The following SGCD variants were observed in gnomAD, a reference collection of about 807,000 sequenced individuals.
The protein encoded by SGCD is delta-sarcoglycan.
SGCD carries 18 observed loss-of-function variants against 36.6 expected under a neutral mutation model. That is an observed-to-expected ratio of 0.49 (90% CI 0.34 to 0.73). The LOEUF (loss-of-function observed/expected upper bound fraction) is 0.73, where lower values mean the gene tolerates loss of function less well. Among genes scored for constraint, SGCD ranks in the 30% least tolerant of loss-of-function variants. SGCD has a pLI of 0.01. For synonymous variants in SGCD, 133 were observed against 130.6 expected (o/e 1.02, Z -0.12); for missense variants, 387 against 346.7 (o/e 1.12, Z -0.92).
intron 1 of SGCD, among the ~76,000 whole-genome samples, chr5:155,897,150 C>A: frequency 6.6e-6 from 1 of 152,112 alleles, no homozygotes; most frequent in Non-Finnish European, 1.5e-5. Flanking sequence ...GACGGTACAG[C>A]CTGCTACCGA....
intron 1 of SGCD, among the ~76,000 whole-genome samples, chr5:155,976,584 T>G (rs1035003860): frequency 6.6e-6 from 1 of 152,180 alleles, no homozygotes; most frequent in East Asian, 1.9e-4. Context: ...AAGTAAGTAT[T>G]CTTGTTTTCT....
chr5:156,554,644 T>TTATA (rs1263548018), intron 4 of SGCD, among the ~76,000 whole-genome samples: 2 of 147,826 alleles, frequency 1.4e-5, no homozygotes, highest in African/African-American at 4.9e-5. Context: ...ATAATATATA[T>TTATA]TATATATATA....
chr5:155,789,511 T>G, the SGCD span, among the ~76,000 whole-genome samples: 1 of 152,128 alleles, frequency 6.6e-6, no homozygotes, highest in African/African-American at 2.4e-5. Flanking sequence ...AAGAATTGCC[T>G]AATAGACACC....
chr5:156,551,784 C>T (rs761731641), intron 4 of SGCD, among the ~76,000 whole-genome samples: 1 of 152,254 alleles, frequency 6.6e-6, no homozygotes, highest in Middle Eastern at 3.4e-3. Context: ...TGATATATTC[C>T]ATGCCATCCC....
intron 1 of SGCD, among the ~76,000 whole-genome samples, chr5:156,024,512 C>G (rs1242999946): frequency 6.6e-6 from 1 of 152,002 alleles, no homozygotes; most frequent in African/African-American, 2.4e-5. Context: ...GATTCTTCCT[C>G]TACCTTTTTT....
chr5:156,624,502 A>C lies in SGCD; in HGVS notation c.503-22962A>C, dbSNP rs559078298. On this transcript the variant is annotated intron_variant, in intron 6 of 8. Transcript: ENST00000337851. Reference sequence around the variant, plus strand: ...AGGCTGAAGCAGGAGAATGGTGCGAACCCAGGAGGCGGAGTTTGCAGTGAG... The same window carrying C: ...AGGCTGAAGCAGGAGAATGGTGCGACCCCAGGAGGCGGAGTTTGCAGTGAG... 1.4e-4 allele frequency among the ~76,000 whole-genome samples: 22 copies of C among 152,174 alleles called. 1 individual carries two copies. In the South Asian group the frequency reaches 4.4e-3, roughly 30 times the overall value.
chr5:156,573,738 G>A (rs1759814900), intron 4 of SGCD, among the ~76,000 whole-genome samples: 1 of 152,036 alleles, frequency 6.6e-6, no homozygotes, highest in South Asian at 2.1e-4. Context: ...CTATCACCCA[G>A]TCTGGAGTAC....
chr5:156,146,674 T>G (rs1762716101), intron 3 of SGCD, among the ~76,000 whole-genome samples: 1 of 152,006 alleles, frequency 6.6e-6, no homozygotes, highest in African/African-American at 2.4e-5. Flanking sequence ...TTTTACAGAG[T>G]GAGTGAATAG....
intron 3 of SGCD, among the ~76,000 whole-genome samples, chr5:156,258,060 GTCTTACAT>G (rs1765760719): frequency 6.6e-6 from 1 of 151,974 alleles, no homozygotes; most frequent in South Asian, 2.1e-4. Context: ...CTGTTATTCA[GTCTTACAT>G]ATTTGTCAGA....
chr5:156,576,291 A>G (rs1759950792), intron 4 of SGCD, among the ~76,000 whole-genome samples: 2 of 152,146 alleles, frequency 1.3e-5, no homozygotes, highest in Non-Finnish European at 2.9e-5. Flanking sequence ...TCCATGGTGT[A>G]TATGTGCCAC....
At chr5:155,872,353 A>ACACACG (rs774582261) in intron 1 of SGCD, among the ~76,000 whole-genome samples, 1 of 105,410 alleles carries the variant, frequency 9.5e-6, no homozygotes, top group Non-Finnish European at 2.0e-5. Context: ...TCTCTTCAGC[A>ACACACG]CACACACACA....
intron 3 of SGCD, among the ~76,000 whole-genome samples, chr5:156,353,845 C>T (rs17053464): frequency 0.17 from 26,180 of 152,200 alleles, 2,966 homozygotes; most frequent in African/African-American, 0.32. Flanking sequence ...TAGGATATGG[C>T]TCTCTAATGT....
chr5:156,004,905 C>A (rs1225260392), intron 1 of SGCD, among the ~76,000 whole-genome samples: 3 of 152,152 alleles, frequency 2.0e-5, no homozygotes, highest in African/African-American at 4.8e-5. Flanking sequence ...AACAGTGGCA[C>A]AGACCTAAAA....
At chr5:155,770,666 T>C in the SGCD span, among the ~76,000 whole-genome samples, 1 of 152,096 alleles carries the variant, frequency 6.6e-6, no homozygotes, top group African/African-American at 2.4e-5. Flanking sequence ...CTTTCTGCTT[T>C]CCCCCTAGCA....
At chr5:156,050,289 A>G (rs1759882479) in intron 1 of SGCD, among the ~76,000 whole-genome samples, 2 of 146,526 alleles carry the variant, frequency 1.4e-5, no homozygotes, top group African/African-American at 2.5e-5. Context: ...AGCCATCAAC[A>G]CTGAGGCAAG....
At chr5:156,308,190 T>C (rs1767282319) in intron 3 of SGCD, among the ~76,000 whole-genome samples, 1 of 152,070 alleles carries the variant, frequency 6.6e-6, no homozygotes, top group Non-Finnish European at 1.5e-5. Context: ...CAGTTCTGCA[T>C]GGATGGGGAG....
intron 1 of SGCD, among the ~76,000 whole-genome samples, chr5:155,910,778 AT>A (rs1469839170): frequency 1.6e-4 from 24 of 152,292 alleles, no homozygotes; most frequent in African/African-American, 5.5e-4. Flanking sequence ...ACACAAAAAA[AT>A]TCCCAGTTTT....
chr5:156,393,569 C>T (rs1038999828), intron 3 of SGCD, among the ~76,000 whole-genome samples: 3 of 152,134 alleles, frequency 2.0e-5, no homozygotes, highest in African/African-American at 7.2e-5. Flanking sequence ...ATAGCGTGCT[C>T]CTGTGCATCT....
intron 1 of SGCD, among the ~76,000 whole-genome samples, chr5:156,025,469 G>T (rs540857659): frequency 7.2e-5 from 11 of 152,294 alleles, no homozygotes; most frequent in Admixed American, 2.0e-4. Flanking sequence ...GCCAGACTTT[G>T]TTGGAGCTTT....
Sources: gnomAD v4.1 joint callset for allele counts (sites outside exome capture counted in the v4.1 genomes callset) on GRCh38, gnomAD v4.1.1 for gene constraint, MANE v1.5 for transcripts, NCBI Gene and HGNC (gene_info 2026-07-23, HGNC 2026-07-21) for gene names.